The following KCTD1 variants were observed in gnomAD, a reference collection of about 807,000 sequenced individuals.
The protein encoded by KCTD1 is BTB/POZ domain-containing protein KCTD1.
A neutral mutation model predicts 66.0 loss-of-function variants in KCTD1; 24 were observed. That is an observed-to-expected ratio of 0.36 (90% CI 0.26 to 0.51). The LOEUF is 0.51. Ranked by LOEUF, KCTD1 falls within the 20% of genes least tolerant of loss-of-function variation. The pLI is 0.95. For synonymous variants in KCTD1, 511 were observed against 517.2 expected, an observed-to-expected ratio of 0.99 and a Z score of 0.16; for missense variants, 943 against 1,205.2, an observed-to-expected ratio of 0.78 and a Z score of 3.22.
At chr18:26,582,061 AG>A (rs1382763910) in intron 1 of KCTD1, among the ~76,000 whole-genome samples, 1 of 151,034 alleles carries the variant, frequency 6.6e-6, no homozygotes, top group East Asian at 1.9e-4. Context: ...TGAGCTCAAG[AG>A]CTCGAGACCA....
upstream of KCTD1, among the ~76,000 whole-genome samples, chr18:26,551,106 C>T (rs549225690): frequency 4.9e-4 from 75 of 152,366 alleles, 2 homozygotes; most frequent in African/African-American, 1.6e-3. Flanking sequence ...CAGCTCCCCT[C>T]CCTACTGGGC....
intron 1 of KCTD1, among the ~76,000 whole-genome samples, chr18:26,627,262 TTG>T (rs59902249): frequency 0.018 from 2,668 of 146,002 alleles, 53 homozygotes; most frequent in African/African-American, 0.06. Context: ...CTTCTGGGTT[TTG>T]TGTGTGTGTG....
Position 26,455,794 on chromosome 18 carries a change from C to G in KCTD1, c.2547G>C (p.Arg849=), listed in dbSNP as rs1329844161. Residue 849 remains arginine (R), a synonymous_variant, in exon 5 of 5, where the codon CGG becomes CGC. Transcript: ENST00000580059. ...GGATGACGGAGGGTACACGGGGCGT[C>G]CGCCTCAGTTCCCGCCGAAGGACGT... The part of the protein sequence containing the change: ...SEYVLRRELR[R]TPRVPSVIRI... 6.2e-7 allele frequency: 1 copy of G among 1,614,046 alleles called. No individual in the cohort carries two copies. The highest frequency in any genetic ancestry group is 1.3e-5 in the African/African-American group (1 of 74,910).
At chr18:26,492,421 C>T (rs1982249893) in intron 2 of KCTD1, among the ~76,000 whole-genome samples, 1 of 151,790 alleles carries the variant, frequency 6.6e-6, no homozygotes, top group African/African-American at 2.4e-5. Context: ...ATCACTTGAG[C>T]CCAGGGGTTC....
intron 1 of KCTD1, among the ~76,000 whole-genome samples, chr18:26,650,713 C>T (rs1988014920): frequency 6.6e-6 from 1 of 152,220 alleles, no homozygotes; most frequent in Admixed American, 6.5e-5. Context: ...TTTTCTCCCC[C>T]TCACATAGAA....
chr18:26,588,861 C>T (rs1055291772), intron 1 of KCTD1, among the ~76,000 whole-genome samples: 2 of 118,560 alleles, frequency 1.7e-5, no homozygotes. Flanking sequence ...TCACAAGAAT[C>T]GAATGCAAAG....
chr18:26,480,624 C>A (rs892085095), intron 2 of KCTD1, among the ~76,000 whole-genome samples: 1 of 151,960 alleles, frequency 6.6e-6, no homozygotes, highest in Non-Finnish European at 1.5e-5. Context: ...AAAAATTAGC[C>A]GGGCGTGGTG....
chr18:26,550,209 C>G (rs2144852621), upstream of KCTD1, among the ~76,000 whole-genome samples: 1 of 152,320 alleles, frequency 6.6e-6, no homozygotes, highest in East Asian at 1.9e-4. This position sits in a 1 kb window ranked among gnomAD's most constrained non-coding sequence, Gnocchi z 5.4. Context: ...ACCTCCAAGT[C>G]CGAATTCTCG....
chr18:26,468,575 T>G lies in KCTD1; in HGVS notation c.2133+7940A>C, dbSNP rs1435027390. The stretch of plus-strand genomic sequence containing the variant: ...GGCCGGGCGCGGTGGCTCACACCTA[T>G]AATCCCAACACTTTGGGATGCTGAG... On this transcript the variant is annotated intron_variant, in intron 3 of 4. Transcript: ENST00000580059. The surrounding 1 kb of genome is among the most constrained non-coding windows in gnomAD (Gnocchi z 4.8). 6.6e-6 allele frequency among the ~76,000 whole-genome samples: 1 copy of G among 152,184 alleles called. No homozygotes were observed. Among genetic ancestry groups the G allele is most frequent in the Non-Finnish European group, 1.5e-5 (1 of 68,040 alleles).
intron 2 of KCTD1, among the ~76,000 whole-genome samples, chr18:26,494,386 A>G (rs1321222760): frequency 1.3e-5 from 2 of 152,190 alleles, no homozygotes; most frequent in African/African-American, 4.8e-5. Context: ...ACAATCAAAC[A>G]GGACAAAACA....
chr18:26,597,430 T>C (rs944502444), intron 1 of KCTD1, among the ~76,000 whole-genome samples: 10 of 152,128 alleles, frequency 6.6e-5, no homozygotes, highest in African/African-American at 2.4e-4. Flanking sequence ...CTGTATCATA[T>C]AGGATGGAAG....
At chr18:26,606,561 G>A (rs1376528249) in intron 1 of KCTD1, among the ~76,000 whole-genome samples, 1 of 152,182 alleles carries the variant, frequency 6.6e-6, no homozygotes, top group Non-Finnish European at 1.5e-5. Context: ...TAAAGAGGCC[G>A]TGTGTGCTTC....
At chr18:26,635,791 G>A (rs894396093) in intron 1 of KCTD1, among the ~76,000 whole-genome samples, 1 of 152,200 alleles carries the variant, frequency 6.6e-6, no homozygotes, top group South Asian at 2.1e-4. Flanking sequence ...CAGAAGGACT[G>A]TGAAATGCCC....
In KCTD1 at chr18:26,485,136, C is replaced by T. The variant is rs549208221; in HGVS notation, c.1989-8477G>A. Among the ~76,000 whole-genome samples, 6 of 152,274 alleles carry T rather than the reference C, an allele frequency of 3.9e-5. No individual in the cohort carries two copies. In the South Asian group the frequency reaches 1.2e-3, roughly 32 times the overall value. On this transcript the variant is annotated intron_variant, in intron 2 of 4. Transcript: ENST00000580059. ...ACCTGAGCAATGGGATAATACCTAC[C>T]TCAAATAATTCTCATGAGGAATAAG...
At chr18:26,521,060 C>T (rs1983885423) in intron 1 of KCTD1, among the ~76,000 whole-genome samples, 1 of 152,228 alleles carries the variant, frequency 6.6e-6, no homozygotes, top group Admixed American at 6.5e-5. Flanking sequence ...AGATACAAAC[C>T]AGAAGGCAAA....
chr18:26,613,341 G>C (rs1489459361), intron 1 of KCTD1, among the ~76,000 whole-genome samples: 1 of 152,170 alleles, frequency 6.6e-6, no homozygotes, highest in African/African-American at 2.4e-5. Context: ...GTACCTGGTA[G>C]CACAGAGCTG....
intron 1 of KCTD1, among the ~76,000 whole-genome samples, chr18:26,520,270 C>G (rs28575057): frequency 0.071 from 10,777 of 152,232 alleles, 458 homozygotes; most frequent in African/African-American, 0.098. Context: ...AGCTTCCACA[C>G]ACACATGTGC....
chr18:26,654,669 C>A (rs571756366), intron 1 of KCTD1, among the ~76,000 whole-genome samples: 1 of 152,312 alleles, frequency 6.6e-6, no homozygotes, highest in Non-Finnish European at 1.5e-5. Context: ...ACCCTCAATT[C>A]ATTTCAAAAT....
intron 1 of KCTD1, chr18:26,566,817 T>G (rs1598944542): frequency 8.2e-6 from 1 of 122,138 alleles, no homozygotes; most frequent in Non-Finnish European, 1.6e-5. Flanking sequence ...AGCTCTACTT[T>G]GGAGGCAAGA....
Sources: allele counts gnomAD v4.1 joint callset (sites outside exome capture counted in the v4.1 genomes callset), GRCh38; gene constraint gnomAD v4.1.1; non-coding constraint Gnocchi (gnomAD v3.1); transcripts MANE v1.5; gene names NCBI Gene and HGNC (gene_info 2026-07-23, HGNC 2026-07-21).